TSPAN7: variants seen among roughly 807,000 people sequenced by gnomAD.
The protein encoded by TSPAN7 is tetraspanin 7, also known as tetraspanin-7.
TSPAN7 carries 1 observed loss-of-function variant against 17.6 expected under a neutral mutation model. The ratio of observed to expected loss-of-function variants is 0.06; its 90% CI spans 0.02 to 0.27. The LOEUF (loss-of-function observed/expected upper bound fraction) is 0.27. Ranked by LOEUF, TSPAN7 falls within the 10% of genes least tolerant of loss-of-function variation. The pLI is 1.00. For synonymous variants in TSPAN7, 78 were observed against 79.0 expected (o/e 0.99, Z 0.07); for missense variants, 112 against 201.7 (o/e 0.56, Z 2.69).
At chrX:38,626,835 G>C (rs1284966400) in intron 1 of TSPAN7, among the ~76,000 whole-genome samples, 2 of 110,870 alleles carry the variant, frequency 1.8e-5, no homozygotes, top group Non-Finnish European at 3.8e-5. Context: ...TTGGTGGGGG[G>C]GTGCCTAGGT....
intron 1 of TSPAN7, among the ~76,000 whole-genome samples, chrX:38,609,770 T>TA (rs767337884): frequency 1.0e-3 from 112 of 109,828 alleles, no homozygotes; most frequent in African/African-American, 3.7e-3. Flanking sequence ...CATTTGAAAA[T>TA]AAAAAACTTG....
intron 1 of TSPAN7, among the ~76,000 whole-genome samples, chrX:38,630,317 T>G (rs2069543178): frequency 1.8e-5 from 2 of 112,414 alleles, no homozygotes; most frequent in Non-Finnish European, 3.8e-5. Flanking sequence ...ATCTTTATAT[T>G]CATGATTTTT....
chrX:38,655,158 T>G (rs2069695420), intron 1 of TSPAN7, among the ~76,000 whole-genome samples: 1 of 111,183 alleles, frequency 9.0e-6, no homozygotes, highest in South Asian at 3.8e-4. Flanking sequence ...ATTATTGGAC[T>G]TAGGTTTCAG....
At chrX:38,607,144 A>G (rs1012539764) in intron 1 of TSPAN7, among the ~76,000 whole-genome samples, 1 of 111,879 alleles carries the variant, frequency 8.9e-6, no homozygotes, top group Non-Finnish European at 1.9e-5. Context: ...CAGAACTCGC[A>G]TGTATGATGA....
intron 1 of TSPAN7, among the ~76,000 whole-genome samples, chrX:38,611,784 A>G (rs888342454): frequency 1.8e-5 from 2 of 111,690 alleles, no homozygotes; most frequent in African/African-American, 3.3e-5. Flanking sequence ...TAGTAGATAT[A>G]GGTACAATAT....
intron 1 of TSPAN7, among the ~76,000 whole-genome samples, chrX:38,587,581 C>T (rs1212563283): frequency 9.0e-6 from 1 of 111,545 alleles, no homozygotes; most frequent in East Asian, 2.8e-4. Flanking sequence ...TAGCTTGTGA[C>T]TGATAGGTAG....
chrX:38,671,853 G>A (rs771034424), intron 3 of TSPAN7, among the ~76,000 whole-genome samples: 44 of 110,619 alleles, frequency 4.0e-4, no homozygotes, highest in African/African-American at 1.2e-3. Context: ...AGAGCAGCCT[G>A]GGCAACATAG....
chrX:38,672,421 C>T (rs1409780124), intron 3 of TSPAN7, among the ~76,000 whole-genome samples: 1 of 110,124 alleles, frequency 9.1e-6, no homozygotes, highest in Non-Finnish European at 1.9e-5. Context: ...TGACTGTATG[C>T]TCTCTGCTCC....
At position 38,681,293 on chromosome X, in the gene TSPAN7, C is replaced by T; in HGVS notation, c.681+6C>T. 1 of 1,198,485 alleles carries T rather than the reference C, an allele frequency of 8.3e-7. No homozygotes were observed. The highest frequency in any genetic ancestry group is 1.1e-6 in the Non-Finnish European group (1 of 883,417). ...TTGGAATCGCATTCTCCCAGGTAGCCTACATAATTGTGCAGAACCTGGTCT... is the reference window on the plus strand; with the variant it reads ...TTGGAATCGCATTCTCCCAGGTAGCTTACATAATTGTGCAGAACCTGGTCT... On this transcript the variant is annotated splice_donor_region_variant and intron_variant, in intron 6 of 7. Coordinates refer to ENST00000378482, the MANE Select transcript of TSPAN7 (RefSeq NM_004615.4).
intron 4 of TSPAN7, 58 bp downstream of exon 4, chrX:38,674,374 T>C (rs1602123421): frequency 9.9e-7 from 1 of 1,015,054 alleles, no homozygotes; most frequent in African/African-American, 1.9e-5. Flanking sequence ...CTTAGACTTA[T>C]GGACTGCCTG....
intron 1 of TSPAN7, among the ~76,000 whole-genome samples, chrX:38,597,316 AT>A (rs746639678): frequency 2.4e-4 from 26 of 109,411 alleles, no homozygotes; most frequent in African/African-American, 5.3e-4. Context: ...ATAAACAAGT[AT>A]TTTTTTTTGT....
intron 1 of TSPAN7, among the ~76,000 whole-genome samples, chrX:38,573,311 A>C (rs1172606001): frequency 4.5e-5 from 5 of 111,778 alleles, no homozygotes; most frequent in Admixed American, 1.9e-4. Flanking sequence ...GGAACCAAAA[A>C]TAGGACTCAC....
chrX:38,686,887 T>C (rs1009939407), intron 6 of TSPAN7, among the ~76,000 whole-genome samples: 2 of 111,494 alleles, frequency 1.8e-5, no homozygotes, highest in Non-Finnish European at 3.8e-5. Flanking sequence ...AGGTACTACA[T>C]CACTGGTGGT....
intron 1 of TSPAN7, among the ~76,000 whole-genome samples, chrX:38,566,714 T>A (rs1446716882): frequency 8.9e-6 from 1 of 111,981 alleles, no homozygotes; most frequent in African/African-American, 3.2e-5. Flanking sequence ...TAGAATTTTT[T>A]AAGCATGAAT....
intron 1 of TSPAN7, among the ~76,000 whole-genome samples, chrX:38,659,823 CTTTTTTT>C (rs748922281): frequency 1.6e-5 from 1 of 61,605 alleles, no homozygotes; most frequent in Non-Finnish European, 2.9e-5. Flanking sequence ...TTTTCTTTTT[CTTTTTTT>C]TTTTTTTTTT....
intron 1 of TSPAN7, among the ~76,000 whole-genome samples, chrX:38,662,575 G>A (rs989277392): frequency 6.5e-5 from 7 of 107,073 alleles, no homozygotes; most frequent in Non-Finnish European, 1.3e-4. Flanking sequence ...AGTGAGTACA[G>A]TGTGTACCAT....
intron 1 of TSPAN7, among the ~76,000 whole-genome samples, chrX:38,637,955 G>A (rs2069590662): frequency 9.0e-6 from 1 of 111,531 alleles, no homozygotes; most frequent in Non-Finnish European, 1.9e-5. Flanking sequence ...CAGCCCCGGG[G>A]GACTTCACTG....
rs745795384 is a variant in TSPAN7, at chrX:38,614,696, G to A, written c.82-51425G>A. On this transcript the variant is annotated intron_variant, in intron 1 of 7. Coordinates refer to ENST00000378482, the MANE Select transcript of TSPAN7 (RefSeq NM_004615.4). ...TCTTGCCTCCCTGCTAGCTTGATGT[G>A]TGGCTGAAGGTCATTCATGGGCACT... Among the ~76,000 whole-genome samples, 136 of 112,752 alleles carry A rather than the reference G, an allele frequency of 1.2e-3. 1 individual carries two copies. Among genetic ancestry groups the A allele is most frequent in the Middle Eastern group, 9.1e-3 (2 of 219 alleles).
rs1218393567 is a variant in TSPAN7 at position 38,687,623 on chromosome X, T to C, written c.706T>C (p.Cys236Arg). 1.7e-6 allele frequency: 2 copies of C among 1,209,557 alleles called. No homozygotes were observed. Among genetic ancestry groups the C allele is most frequent in the Non-Finnish European group, 2.2e-6 (2 of 895,092 alleles). The change falls in exon 7 of 8, where the codon TGT (cysteine) becomes CGT (arginine). Residue 236 changes from cysteine (C) to arginine (R), a missense_variant. Coordinates refer to ENST00000378482, the MANE Select transcript of TSPAN7 (RefSeq NM_004615.4). The part of the protein sequence containing the change: ...SQLIGMLLAC[C>R]LSRFITANQY... ...GTTAATTGGCATGCTGCTGGCCTGC[T>C]GTCTGTCCCGGTTCATCACGGCCAA...
Sources: allele counts gnomAD v4.1 joint callset (sites outside exome capture counted in the v4.1 genomes callset), GRCh38; gene constraint gnomAD v4.1.1; transcripts MANE v1.5; gene names NCBI Gene and HGNC (gene_info 2026-07-23, HGNC 2026-07-21).